Variants in MCU observed in about 807,000 individuals in gnomAD.
MCU encodes mitochondrial calcium uniporter.
A neutral mutation model predicts 45.2 loss-of-function variants in MCU; 12 were observed. The ratio of observed to expected loss-of-function variants is 0.27; its 90% confidence interval spans 0.17 to 0.43. The LOEUF is 0.43. Among genes scored for constraint, MCU ranks in the 20% least tolerant of loss-of-function variants. The pLI, the probability that MCU is intolerant of heterozygous loss-of-function variation, is 1.00. For missense variants in MCU, 324 were observed against 436.7 expected, an observed-to-expected ratio of 0.74 and a Z score of 2.30; for synonymous variants, 160 against 165.1, an observed-to-expected ratio of 0.97 and a Z score of 0.24.
intron 1 of MCU, among the ~76,000 whole-genome samples, chr10:72,756,239 A>C (rs1564548053): frequency 6.6e-6 from 1 of 152,172 alleles, no homozygotes; most frequent in Non-Finnish European, 1.5e-5. Context: ...TTCCTGCCTC[A>C]GCCTCCAAAA....
chr10:72,773,620 C>T (rs1161081215), intron 1 of MCU, among the ~76,000 whole-genome samples: 7 of 152,006 alleles, frequency 4.6e-5, no homozygotes, highest in African/African-American at 1.4e-4. Flanking sequence ...TAGAAATATC[C>T]AGGCACAGGA....
intron 1 of MCU, among the ~76,000 whole-genome samples, chr10:72,780,511 A>AGTGTGTGTGTGTGTGTGTGTGT (rs60306247): frequency 0.057 from 6,263 of 110,424 alleles, 564 homozygotes; most frequent in East Asian, 0.21. Context: ...TCTTTGGCTA[A>AGTGTGTGTGTGTGTGTGTGTGT]GTGTGTGTGT....
At chr10:72,837,757 T>C (rs981839758) in intron 2 of MCU, among the ~76,000 whole-genome samples, 1 of 152,068 alleles carries the variant, frequency 6.6e-6, no homozygotes, top group African/African-American at 2.4e-5. Flanking sequence ...TTCATGTTAG[T>C]GGAAGTTAAG....
chr10:72,764,881 T>G (rs1843702895), intron 1 of MCU, among the ~76,000 whole-genome samples: 1 of 152,138 alleles, frequency 6.6e-6, no homozygotes, highest in Admixed American at 6.6e-5. Flanking sequence ...ACTAAATAGA[T>G]TCATTAATGA....
intron 4 of MCU, among the ~76,000 whole-genome samples, chr10:72,867,080 G>T (rs991945198): frequency 2.0e-5 from 3 of 149,534 alleles, no homozygotes; most frequent in Non-Finnish European, 4.4e-5. Flanking sequence ...GCTAGGTGTT[G>T]TATCCCATTT....
chr10:72,777,018 G>A (rs1843905355), intron 1 of MCU, among the ~76,000 whole-genome samples: 1 of 152,024 alleles, frequency 6.6e-6, no homozygotes, highest in African/African-American at 2.4e-5. Context: ...AAAGATCAAG[G>A]AAAACTATAA....
At chr10:72,818,011 G>GA (rs1480671581) in intron 1 of MCU, among the ~76,000 whole-genome samples, 1 of 152,172 alleles carries the variant, frequency 6.6e-6, no homozygotes, top group African/African-American at 2.4e-5. Flanking sequence ...TTGTAAAATG[G>GA]AAAATAGCTG....
At chr10:72,693,089 G>A in intron 1 of MCU, 1 of 1,535,810 alleles carries the variant, frequency 6.5e-7, no homozygotes, top group East Asian at 2.4e-5. Flanking sequence ...CAGAGGCAGA[G>A]ATTTGGTGGT....
rs573960189 is a variant in MCU at position 72,817,261 on chromosome 10, A to G, written c.151-17098A>G. ...AGATATGTTTGTTTTTTACCCTTCTACCTGGCACCATTGACACAATACAGT... is the reference window on the plus strand; with the variant it reads ...AGATATGTTTGTTTTTTACCCTTCTGCCTGGCACCATTGACACAATACAGT... On this transcript the variant is annotated intron_variant, in intron 1 of 7. Transcript: ENST00000373053. Among the ~76,000 whole-genome samples the G allele has an allele frequency of 3.0e-4, 45 of 152,288 alleles. No individual in the cohort carries two copies. In the South Asian group the frequency reaches 8.1e-3, roughly 27 times the overall value.
Position 72,880,902 on chromosome 10 carries a change from AGAATCACTTGAGGCCAGGGGTTCATGAC to A in MCU, c.862-3363_862-3336del, listed in dbSNP as rs879709716. 6.4e-4 allele frequency among the ~76,000 whole-genome samples: 97 copies of A among 152,318 alleles called. 1 individual carries two copies. Among genetic ancestry groups the A allele is most frequent in the Non-Finnish European group, 1.2e-3 (80 of 68,022 alleles). On this transcript the variant is annotated intron_variant, in intron 6 of 7. Coordinates refer to ENST00000373053, the MANE Select transcript of MCU (RefSeq NM_138357.3). ...CAGTGCTTTGGGAGGCCAAGGTGGG[AGAATCACTTGAGGCCAGGGGTTCATGAC>A]CAGCCTGGACAACATAGTGAGACCC...
In MCU at chr10:72,880,481, G is replaced by C. The variant is rs534779455; in HGVS notation, c.862-3785G>C. Among the ~76,000 whole-genome samples the C allele has an allele frequency of 5.1e-4, 76 of 149,926 alleles. 1 individual carries two copies. Among genetic ancestry groups the C allele is most frequent in the South Asian group, 1.5e-3 (7 of 4,790 alleles). The stretch of plus-strand genomic sequence containing the variant: ...AGACCACACGTAGAAGGCAAAGCGG[G>C]GGGGGGGAAACCCTAGAAATATATG... On this transcript the variant is annotated intron_variant, in intron 6 of 7. Coordinates refer to ENST00000373053, the MANE Select transcript of MCU (RefSeq NM_138357.3).
At chr10:72,799,068 A>G (rs1041867820) in intron 1 of MCU, among the ~76,000 whole-genome samples, 2 of 151,980 alleles carry the variant, frequency 1.3e-5, no homozygotes, top group African/African-American at 4.8e-5. Flanking sequence ...CTGGGACTAT[A>G]GGCGCCCGCC....
At chr10:72,841,407 C>T (rs955471164) in intron 2 of MCU, among the ~76,000 whole-genome samples, 2 of 152,124 alleles carry the variant, frequency 1.3e-5, no homozygotes, top group Non-Finnish European at 2.9e-5. Context: ...AAGTGATTCT[C>T]CTGCCTCAGC....
chr10:72,861,174 T>A (rs1283458519), intron 4 of MCU, among the ~76,000 whole-genome samples: 1 of 152,000 alleles, frequency 6.6e-6, no homozygotes, highest in African/African-American at 2.4e-5. Context: ...TACAGGCATG[T>A]GCCACCATGC....
chr10:72,745,444 G>A (rs572315071), intron 1 of MCU, among the ~76,000 whole-genome samples: 56 of 152,256 alleles, frequency 3.7e-4, no homozygotes, highest in African/African-American at 1.3e-3. Flanking sequence ...AGCCAGGCTG[G>A]TCTCGAACTC....
chr10:72,865,070 A>G (rs1328143507), intron 4 of MCU, among the ~76,000 whole-genome samples: 3 of 152,250 alleles, frequency 2.0e-5, no homozygotes, highest in East Asian at 1.9e-4. Context: ...ATATTAATCA[A>G]TTAATAAATA....
At chr10:72,849,214 C>T (rs903969733) in intron 2 of MCU, among the ~76,000 whole-genome samples, 1 of 148,566 alleles carries the variant, frequency 6.7e-6, no homozygotes, top group African/African-American at 2.5e-5. Context: ...CTGGGAGGCG[C>T]AGGTTGCCGT....
chr10:72,727,992 A>G (rs72812216), intron 1 of MCU, among the ~76,000 whole-genome samples: 1 of 152,202 alleles, frequency 6.6e-6, no homozygotes, highest in Non-Finnish European at 1.5e-5. Context: ...AGCCAGGAAA[A>G]ATGCCCAAAT....
chr10:72,856,513 T>G (rs986649778), intron 2 of MCU, among the ~76,000 whole-genome samples: 1 of 152,248 alleles, frequency 6.6e-6, no homozygotes, highest in African/African-American at 2.4e-5. Flanking sequence ...ATGGAAAGCT[T>G]GATGCATTTT....
Sources: gnomAD v4.1 joint callset for allele counts (sites outside exome capture counted in the v4.1 genomes callset) on GRCh38, gnomAD v4.1.1 for gene constraint, MANE v1.5 for transcripts, NCBI Gene and HGNC (gene_info 2026-07-23, HGNC 2026-07-21) for gene names.